Variants in GALNT1 observed in about 807,000 individuals in gnomAD.
GALNT1 encodes polypeptide N-acetylgalactosaminyltransferase 1, also known as GalNAc transferase 1.
In GALNT1, 17 loss-of-function variants were observed where a neutral mutation model predicts 65.7. The observed-to-expected ratio is 0.26, with a 90% confidence interval of 0.18 to 0.39. The LOEUF is 0.39. Ranked by LOEUF, GALNT1 falls within the 10% of genes least tolerant of loss-of-function variation. The probability of loss-of-function intolerance (pLI) is 1.00; values close to 1 mark genes in which losing one functional copy is unlikely to be tolerated. For synonymous variants in GALNT1, 210 were observed against 219.7 expected (o/e 0.96, Z 0.39); for missense variants, 460 against 672.8 (o/e 0.68, Z 3.50).
intron 5 of GALNT1, among the ~76,000 whole-genome samples, chr18:35,686,479 C>T (rs1167070024): frequency 1.3e-5 from 2 of 152,276 alleles, no homozygotes; most frequent in East Asian, 3.9e-4. Context: ...TTAATTATGG[C>T]AGTGGTATAT....
intron 9 of GALNT1, among the ~76,000 whole-genome samples, chr18:35,700,656 C>T (rs2048146100): frequency 6.6e-6 from 1 of 152,146 alleles, no homozygotes; most frequent in Non-Finnish European, 1.5e-5. Context: ...GTACAAATCT[C>T]TTACAAAATA....
At chr18:35,584,775 GC>G (rs1369894838) in intron 1 of GALNT1, among the ~76,000 whole-genome samples, 1 of 152,160 alleles carries the variant, frequency 6.6e-6, no homozygotes, top group African/African-American at 2.4e-5. Context: ...AGTAGTGTTT[GC>G]CCTATGAGAA....
At chr18:35,669,536 G>C (rs2047599927) in intron 3 of GALNT1, among the ~76,000 whole-genome samples, 2 of 152,146 alleles carry the variant, frequency 1.3e-5, no homozygotes, top group African/African-American at 4.8e-5. Context: ...AGGATTTGAA[G>C]ATCATTTAGA....
At chr18:35,666,767 T>G (rs2144486229) in intron 3 of GALNT1, among the ~76,000 whole-genome samples, 1 of 152,290 alleles carries the variant, frequency 6.6e-6, no homozygotes, top group Non-Finnish European at 1.5e-5. Flanking sequence ...GTTTCACACT[T>G]GAAGACTCTT....
intron 9 of GALNT1, among the ~76,000 whole-genome samples, chr18:35,699,098 A>G (rs1214337808): frequency 6.6e-6 from 1 of 152,178 alleles, no homozygotes; most frequent in East Asian, 1.9e-4. Flanking sequence ...CCTAAGTTGA[A>G]GTGGTCATAT....
At chr18:35,692,342 A>AT (rs2047980525) in intron 9 of GALNT1, 22 bp downstream of exon 9, 2 of 1,349,888 alleles carry the variant, frequency 1.5e-6, no homozygotes, top group East Asian at 5.1e-5. Context: ...ATATATATAT[A>AT]TTCTATGTGG....
At chr18:35,610,892 C>T (rs2046708115) in intron 1 of GALNT1, among the ~76,000 whole-genome samples, 1 of 152,038 alleles carries the variant, frequency 6.6e-6, no homozygotes, top group South Asian at 2.1e-4. Flanking sequence ...CCTCTTTTTT[C>T]CATTCAGTCT....
chr18:35,586,832 A>T (rs1170059690), intron 1 of GALNT1, among the ~76,000 whole-genome samples: 1 of 152,202 alleles, frequency 6.6e-6, no homozygotes, highest in Non-Finnish European at 1.5e-5. Context: ...TTTTCCTTAT[A>T]AATTGTAGAA....
At chr18:35,636,791 T>G (rs898728379) in intron 1 of GALNT1, among the ~76,000 whole-genome samples, 98 of 146,352 alleles carry the variant, frequency 6.7e-4, no homozygotes, top group African/African-American at 2.3e-3. Flanking sequence ...TTGTTTTTTT[T>G]TTTTTTTTTT....
intron 1 of GALNT1, among the ~76,000 whole-genome samples, chr18:35,591,444 A>T (rs765053336): frequency 9.8e-5 from 15 of 152,360 alleles, no homozygotes; most frequent in Non-Finnish European, 2.1e-4. Context: ...CTGTACTTAT[A>T]TTAATTCATT....
chr18:35,676,539 G>T (rs139260209), intron 3 of GALNT1, among the ~76,000 whole-genome samples: 71 of 152,262 alleles, frequency 4.7e-4, no homozygotes, highest in African/African-American at 1.7e-3. Context: ...GAGGAGTCTT[G>T]CTTGTGTTTT....
chr18:35,685,345 T>A (rs1303872434), intron 5 of GALNT1, among the ~76,000 whole-genome samples: 1 of 152,196 alleles, frequency 6.6e-6, no homozygotes, highest in African/African-American at 2.4e-5. Flanking sequence ...AAACTGTGAT[T>A]ACAAACTTAT....
At chr18:35,586,032 A>T (rs576008762) in intron 1 of GALNT1, among the ~76,000 whole-genome samples, 19 of 152,254 alleles carry the variant, frequency 1.2e-4, no homozygotes, top group South Asian at 6.2e-4. Context: ...TTAGTTTTTT[A>T]AAAAACTGGT....
intron 1 of GALNT1, among the ~76,000 whole-genome samples, chr18:35,594,698 A>G (rs1481217349): frequency 6.6e-6 from 1 of 152,228 alleles, no homozygotes; most frequent in Non-Finnish European, 1.5e-5. Context: ...AGCTGAGCAC[A>G]TTAAACTAGA....
At chr18:35,595,647 C>G (rs2143902919) in intron 1 of GALNT1, among the ~76,000 whole-genome samples, 1 of 152,238 alleles carries the variant, frequency 6.6e-6, no homozygotes, top group African/African-American at 2.4e-5. Flanking sequence ...ATAAAAAATA[C>G]TCTTGGCAGA....
At chr18:35,668,567 G>A (rs971632162) in intron 3 of GALNT1, among the ~76,000 whole-genome samples, 15 of 152,134 alleles carry the variant, frequency 9.9e-5, no homozygotes, top group African/African-American at 3.6e-4. Flanking sequence ...TTTTAAAATA[G>A]TCAAACTCGT....
chr18:35,676,735 G>T (rs371916576), intron 3 of GALNT1, among the ~76,000 whole-genome samples: 2 of 152,118 alleles, frequency 1.3e-5, no homozygotes, highest in African/African-American at 4.8e-5. Flanking sequence ...GTTTAGGGGG[G>T]CTTATGTTCT....
intron 9 of GALNT1, among the ~76,000 whole-genome samples, chr18:35,695,024 AAAG>A (rs1169409795): frequency 1.3e-5 from 2 of 152,222 alleles, no homozygotes; most frequent in African/African-American, 4.8e-5. Context: ...GGAAGGGCCT[AAAG>A]AAGAGTTACT....
At chr18:35,674,538 C>T (rs919020141) in intron 3 of GALNT1, among the ~76,000 whole-genome samples, 1 of 152,172 alleles carries the variant, frequency 6.6e-6, no homozygotes, top group African/African-American at 2.4e-5. Context: ...GCACCTTCTA[C>T]CTACAGAGCT....
Sources: gnomAD v4.1 joint callset for allele counts (sites outside exome capture counted in the v4.1 genomes callset) on GRCh38, gnomAD v4.1.1 for gene constraint, MANE v1.5 for transcripts, NCBI Gene and HGNC (gene_info 2026-07-23, HGNC 2026-07-21) for gene names.